ACTR2: variants seen among roughly 807,000 people sequenced by gnomAD.
The protein encoded by ACTR2 is actin-related protein 2.
In ACTR2, 5 loss-of-function variants were observed where a neutral mutation model predicts 50.2. That is an observed-to-expected ratio of 0.10 (90% confidence interval 0.05 to 0.21). ACTR2 has a LOEUF of 0.21. ACTR2 is among the 10% of genes least tolerant of loss of function. ACTR2 has a pLI of 1.00. For missense variants in ACTR2, 180 were observed against 480.6 expected (o/e 0.37, Z 5.85); for synonymous variants, 140 against 162.9 (o/e 0.86, Z 1.07).
intron 2 of ACTR2, 87 bp from the exon 3 acceptor site, chr2:65,246,437 G>A (rs1671941635): frequency 1.1e-6 from 1 of 894,368 alleles, no homozygotes; most frequent in South Asian, 1.9e-5. Context: ...TATTTTGCAA[G>A]TGTCAGAAAT....
Position 65,269,399 on chromosome 2 carries a change from T to G in ACTR2, c.*665T>G, listed in dbSNP as rs1672446318. 1 of 152,206 alleles carries G rather than the reference T, an allele frequency of 6.6e-6. No individual in the cohort carries two copies. The highest frequency in any genetic ancestry group is 1.5e-5 in the Non-Finnish European group (1 of 68,042). The allele number at this position is 152,206 out of a possible 1,614,324, so 9.4% of individuals were successfully genotyped here. On this transcript the variant is annotated 3_prime_UTR_variant, in exon 9 of 9. Coordinates refer to ENST00000260641, the MANE Select transcript of ACTR2 (RefSeq NM_005722.4). The stretch of plus-strand genomic sequence containing the variant: ...CGTAGAGGAACTTTATTTACAGTAC[T>G]TTGATTTGGCAGGTTTTCTTCTACT...
chr2:65,231,760 G>C (rs1671640955), intron 1 of ACTR2, among the ~76,000 whole-genome samples: 1 of 152,150 alleles, frequency 6.6e-6, no homozygotes, highest in Non-Finnish European at 1.5e-5. Context: ...TTCTAGGACA[G>C]GAGTGTCCAG....
intron 4 of ACTR2, among the ~76,000 whole-genome samples, chr2:65,252,504 G>T (rs185222961): frequency 1.2e-4 from 18 of 152,056 alleles, no homozygotes; most frequent in African/African-American, 4.1e-4. Flanking sequence ...AATTAGCTGG[G>T]CATGGTGGCA....
chr2:65,262,067 G>T (rs1305520532), intron 7 of ACTR2, among the ~76,000 whole-genome samples: 1 of 151,942 alleles, frequency 6.6e-6, no homozygotes, highest in African/African-American at 2.4e-5. Context: ...TTATTAATTG[G>T]GTTATTTGCT....
Position 65,227,875 on chromosome 2 carries a change from T to C in ACTR2, c.-35T>C, listed in dbSNP as rs1239334593. The C allele has an allele frequency of 1.6e-5, 24 of 1,500,854 alleles. No individual in the cohort carries two copies. The East Asian group carries it at 5.0e-4, about 31-fold the overall frequency. 93.0% of individuals were successfully genotyped at this position (1,500,854 alleles called of 1,614,324 possible). On this transcript the variant is annotated 5_prime_UTR_variant, in exon 1 of 9. Transcript: ENST00000260641. ...ACGGCCGGGCGGCGGTGGCTGTAGG[T>C]TGTGCGGCTGCAGCGGCTCTTCCCT...
intron 3 of ACTR2, among the ~76,000 whole-genome samples, chr2:65,249,039 A>C (rs1671994529): frequency 1.3e-5 from 2 of 152,178 alleles, no homozygotes; most frequent in South Asian, 4.1e-4. Context: ...AAGAAAAAAA[A>C]AGTTAATGAA....
chr2:65,253,911 T>C, intron 5 of ACTR2, 47 bp downstream of exon 5: 1 of 1,536,458 alleles, frequency 6.5e-7, no homozygotes, highest in Non-Finnish European at 9.0e-7. Context: ...GTAATTTGTT[T>C]ACCACCTTAA....
chr2:65,233,634 CAG>C (rs1427869743), intron 1 of ACTR2, among the ~76,000 whole-genome samples: 1 of 151,336 alleles, frequency 6.6e-6, no homozygotes, highest in Non-Finnish European at 1.5e-5. Context: ...GTTTTTGAGA[CAG>C]AGTCTCACTC....
rs1472952044 is a variant in ACTR2 at position 65,268,845 on chromosome 2, A to T, written c.*111A>T. On this transcript the variant is annotated 3_prime_UTR_variant, in exon 9 of 9. Coordinates refer to ENST00000260641, the MANE Select transcript of ACTR2 (RefSeq NM_005722.4). ...GGAAGAGGCCTCTCTCTGCCCTTTGACTGGAAAGGTCAAGTTTTATTCTGG... is the reference window on the plus strand; with the variant it reads ...GGAAGAGGCCTCTCTCTGCCCTTTGTCTGGAAAGGTCAAGTTTTATTCTGG... 23 of 1,190,866 alleles carry T rather than the reference A, an allele frequency of 1.9e-5. No homozygotes were observed. The highest frequency in any genetic ancestry group is 2.6e-5 in the Non-Finnish European group (22 of 846,206). 73.8% of individuals were successfully genotyped at this position (1,190,866 alleles called of 1,614,324 possible). A position where few individuals can be genotyped will look rare whatever the true frequency, so the allele number is the denominator to read the frequency against.
chr2:65,244,484 G>A (rs1053331967), intron 2 of ACTR2, among the ~76,000 whole-genome samples: 3 of 152,058 alleles, frequency 2.0e-5, no homozygotes, highest in African/African-American at 7.2e-5. Flanking sequence ...ATATCATACT[G>A]ATTTATTACA....
At chr2:65,263,611 T>C (rs569939300) in intron 7 of ACTR2, among the ~76,000 whole-genome samples, 1 of 152,332 alleles carries the variant, frequency 6.6e-6, no homozygotes, top group South Asian at 2.1e-4. Flanking sequence ...AGCAATTGAC[T>C]CATAACAAGC....
At chr2:65,242,708 TTATAAC>T (rs1426745961) in intron 2 of ACTR2, 18 of 486,474 alleles carry the variant, frequency 3.7e-5, no homozygotes, top group African/African-American at 2.4e-4. Flanking sequence ...GTGTTTTTCT[TTATAAC>T]TATAAGCTTG....
At chr2:65,238,417 T>C (rs1482298505) in intron 1 of ACTR2, among the ~76,000 whole-genome samples, 8 of 151,918 alleles carry the variant, frequency 5.3e-5, no homozygotes, top group Non-Finnish European at 8.8e-5. Context: ...CCCAGCACTT[T>C]GGGAGGCTGA....
chr2:65,237,384 C>T (rs1671759284), intron 1 of ACTR2, among the ~76,000 whole-genome samples: 1 of 152,120 alleles, frequency 6.6e-6, no homozygotes, highest in Non-Finnish European at 1.5e-5. Flanking sequence ...TAGCACATGC[C>T]ACAATGCCTG....
chr2:65,249,726 C>T (rs1177446970), intron 3 of ACTR2, among the ~76,000 whole-genome samples: 1 of 152,074 alleles, frequency 6.6e-6, no homozygotes, highest in African/African-American at 2.4e-5. Context: ...AGGATGTTCC[C>T]AGCTGACCTG....
chr2:65,249,461 G>T (rs1293684429), intron 3 of ACTR2, among the ~76,000 whole-genome samples: 4 of 152,108 alleles, frequency 2.6e-5, no homozygotes, highest in Non-Finnish European at 5.9e-5. Flanking sequence ...TTTCACATTG[G>T]TATGTGCATA....
rs78041633 is a variant in ACTR2, at chr2:65,246,001, T to A, written c.160-523T>A. 3.5e-5 allele frequency among the ~76,000 whole-genome samples: 4 copies of A among 113,028 alleles called. 1 individual carries two copies. Among genetic ancestry groups the A allele is most frequent in the East Asian group, 5.0e-4 (2 of 4,010 alleles). The allele number at this position is 113,028 out of a possible 152,430, so 74.2% of individuals were successfully genotyped here. A position where few individuals can be genotyped will look rare whatever the true frequency, so the allele number is the denominator to read the frequency against. On this transcript the variant is annotated intron_variant, in intron 2 of 8. Transcript: ENST00000260641. ...GTAGATAGAAGTTTGTGCTATTTAT[T>A]AGTTGGTGTATGTATGCATTATTAT...
intron 4 of ACTR2, among the ~76,000 whole-genome samples, chr2:65,253,013 C>T (rs1452722368): frequency 6.6e-6 from 1 of 152,152 alleles, no homozygotes; most frequent in Non-Finnish European, 1.5e-5. Flanking sequence ...CTTTGGCTAG[C>T]CATGTTTAAT....
At chr2:65,241,227 T>C (rs1032788887) in intron 2 of ACTR2, among the ~76,000 whole-genome samples, 1 of 152,194 alleles carries the variant, frequency 6.6e-6, no homozygotes, top group African/African-American at 2.4e-5. Flanking sequence ...ATAAACTGTT[T>C]AATGAAGTTG....
Sources: allele counts gnomAD v4.1 joint callset (sites outside exome capture counted in the v4.1 genomes callset), GRCh38; gene constraint gnomAD v4.1.1; transcripts MANE v1.5; gene names NCBI Gene and HGNC (gene_info 2026-07-23, HGNC 2026-07-21).